AK4: variants seen among roughly 807,000 people sequenced by gnomAD.
AK4 encodes the protein adenylate kinase 4.
Under a neutral mutation model 24.6 loss-of-function variants are expected in AK4, and 13 were observed. The observed-to-expected ratio is 0.53, with a 90% CI of 0.34 to 0.84. The LOEUF is 0.84. Among genes scored for constraint, AK4 ranks in the 40% least tolerant of loss-of-function variants. The pLI is 0.01. For missense variants in AK4, 192 were observed against 288.2 expected, an observed-to-expected ratio of 0.67 and a Z score of 2.42; for synonymous variants, 88 against 107.0, an observed-to-expected ratio of 0.82 and a Z score of 1.10.
intron 2 of AK4, among the ~76,000 whole-genome samples, chr1:65,210,777 C>T (rs957350944): frequency 2.0e-5 from 3 of 152,130 alleles, no homozygotes; most frequent in Non-Finnish European, 4.4e-5. Context: ...TACCGTCCGC[C>T]CCCTGCCATG....
At chr1:65,149,313 C>G (rs1649688527) in intron 1 of AK4, among the ~76,000 whole-genome samples, 1 of 152,206 alleles carries the variant, frequency 6.6e-6, no homozygotes, top group African/African-American at 2.4e-5. Flanking sequence ...GCGTGGTGAA[C>G]TTGGGGATAT....
chr1:65,206,464 G>A (rs1329186463), intron 2 of AK4, among the ~76,000 whole-genome samples: 2 of 152,238 alleles, frequency 1.3e-5, no homozygotes, highest in African/African-American at 4.8e-5. Context: ...GAACAAGCAA[G>A]CAGGCCGGAC....
chr1:65,202,031 A>G (rs1052986969), intron 2 of AK4, among the ~76,000 whole-genome samples: 4 of 152,204 alleles, frequency 2.6e-5, no homozygotes, highest in Non-Finnish European at 4.4e-5. Flanking sequence ...GGGGGAGTTA[A>G]AAGTAAAATT....
At chr1:65,211,462 T>C (rs1453704038) in intron 2 of AK4, among the ~76,000 whole-genome samples, 1 of 152,250 alleles carries the variant, frequency 6.6e-6, no homozygotes, top group Non-Finnish European at 1.5e-5. Context: ...TCTCACAGTC[T>C]GCAGTTTTCT....
chr1:65,183,010 T>G (rs931238534), intron 1 of AK4, among the ~76,000 whole-genome samples: 11 of 152,280 alleles, frequency 7.2e-5, no homozygotes, highest in Non-Finnish European at 1.0e-4. Flanking sequence ...ATCCCAGTGT[T>G]TAAGACTCTG....
intron 1 of AK4, among the ~76,000 whole-genome samples, chr1:65,152,386 T>A (rs7519014): frequency 0.021 from 482 of 22,616 alleles, no homozygotes; most frequent in South Asian, 0.028. Context: ...ATATATATAT[T>A]TTTTTTTTTT....
chr1:65,161,614 T>A (rs998292335), intron 1 of AK4, among the ~76,000 whole-genome samples: 1 of 152,214 alleles, frequency 6.6e-6, no homozygotes, highest in Non-Finnish European at 1.5e-5. Flanking sequence ...TCATACCCAT[T>A]GGTACCTTTA....
intron 2 of AK4, among the ~76,000 whole-genome samples, chr1:65,204,265 A>G (rs1193778240): frequency 1.3e-5 from 2 of 151,660 alleles, no homozygotes; most frequent in African/African-American, 2.4e-5. Flanking sequence ...CAGTGGCACA[A>G]TCTCTGCTAA....
chr1:65,156,694 C>A (rs550228031), intron 1 of AK4, among the ~76,000 whole-genome samples: 2 of 151,662 alleles, frequency 1.3e-5, no homozygotes, highest in Non-Finnish European at 2.9e-5. Context: ...GAGGCTGAGG[C>A]GGGCAGATCA....
In AK4 at chr1:65,148,339, G is replaced by C; in HGVS notation, c.-69G>C. 2 of 1,487,834 alleles carry C rather than the reference G, an allele frequency of 1.3e-6. No homozygotes were observed. The highest frequency in any genetic ancestry group is 8.9e-7 in the Non-Finnish European group (1 of 1,119,702). The allele number at this position is 1,487,834 out of a possible 1,614,324, so 92.2% of individuals were successfully genotyped here. A position where few individuals can be genotyped will look rare whatever the true frequency, so the allele number is the denominator to read the frequency against. On this transcript the variant is annotated 5_prime_UTR_variant, in exon 1 of 5. Coordinates refer to ENST00000327299, the MANE Select transcript of AK4 (RefSeq NM_013410.4). The stretch of plus-strand genomic sequence containing the variant: ...CAGAGGTAGGGGGCCGAGAAACAAA[G>C]TTCCCGGGGCTTCCTCCGGGGCCGC...
chr1:65,220,362 A>G (rs576632173), intron 3 of AK4, among the ~76,000 whole-genome samples: 6 of 152,238 alleles, frequency 3.9e-5, no homozygotes, highest in South Asian at 2.1e-4. Flanking sequence ...AAATGTTTCT[A>G]TTTCTCCATA....
chr1:65,181,503 C>T (rs2101026360), intron 1 of AK4, among the ~76,000 whole-genome samples: 1 of 151,942 alleles, frequency 6.6e-6, no homozygotes, highest in South Asian at 2.1e-4. Flanking sequence ...TTCAAGGCCT[C>T]AGCCTCCCAA....
chr1:65,185,878 G>A (rs907512657), intron 1 of AK4, among the ~76,000 whole-genome samples: 1 of 152,002 alleles, frequency 6.6e-6, no homozygotes, highest in Admixed American at 6.6e-5. Context: ...GCCTCCCAAA[G>A]TGCTGGGATT....
chr1:65,172,063 G>GTATATATATATATA (rs3051712), intron 1 of AK4, among the ~76,000 whole-genome samples: 959 of 65,464 alleles, frequency 0.015, 57 homozygotes, highest in Non-Finnish European at 0.026. Context: ...TCCATCTCAA[G>GTATATATATATATA]TATATATATA....
intron 2 of AK4, among the ~76,000 whole-genome samples, chr1:65,216,935 A>G (rs1652151074): frequency 6.6e-6 from 1 of 152,130 alleles, no homozygotes; most frequent in Non-Finnish European, 1.5e-5. Flanking sequence ...TCCTGGCCTC[A>G]AGTGATCCCA....
At chr1:65,169,203 A>G (rs1219762723) in intron 1 of AK4, among the ~76,000 whole-genome samples, 1 of 151,926 alleles carries the variant, frequency 6.6e-6, no homozygotes, top group East Asian at 1.9e-4. Flanking sequence ...GAAAAAGAAA[A>G]GAAAAGAAAA....
intron 2 of AK4, among the ~76,000 whole-genome samples, chr1:65,200,877 C>T (rs35064941): frequency 0.012 from 1,885 of 152,196 alleles, 39 homozygotes; most frequent in African/African-American, 0.042. Context: ...TCACTGCAAC[C>T]TCCACCTCTT....
At chr1:65,194,770 G>A (rs1449452679) in intron 2 of AK4, among the ~76,000 whole-genome samples, 1 of 152,144 alleles carries the variant, frequency 6.6e-6, no homozygotes, top group African/African-American at 2.4e-5. Flanking sequence ...GGCCCACTGA[G>A]TAATTTCTAA....
chr1:65,178,030 CA>C (rs1650775624), intron 1 of AK4, among the ~76,000 whole-genome samples: 1 of 151,592 alleles, frequency 6.6e-6, no homozygotes, highest in African/African-American at 2.4e-5. Flanking sequence ...CCGTGGCTGT[CA>C]GGGGTGAACG....
Sources: gnomAD v4.1 joint callset for allele counts (sites outside exome capture counted in the v4.1 genomes callset) on GRCh38, gnomAD v4.1.1 for gene constraint, MANE v1.5 for transcripts, NCBI Gene and HGNC (gene_info 2026-07-23, HGNC 2026-07-21) for gene names.